CABP2: variants seen among roughly 807,000 people sequenced by gnomAD.
The protein encoded by CABP2 is calcium-binding protein 2.
CABP2 carries 25 observed loss-of-function variants against 28.6 expected under a neutral mutation model. The observed-to-expected ratio is 0.87, with a 90% confidence interval of 0.64 to 1.22. The LOEUF is 1.22. CABP2 is among the 50% of genes most tolerant of loss of function. The pLI is 0.00. For missense variants in CABP2, 310 were observed against 312.2 expected, an observed-to-expected ratio of 0.99 and a Z score of 0.05; for synonymous variants, 138 against 126.0, an observed-to-expected ratio of 1.09 and a Z score of -0.64.
intron 1 of CABP2, 54 bp from the exon 2 acceptor site, chr11:67,522,770 A>G: frequency 7.1e-7 from 1 of 1,407,296 alleles, no homozygotes; most frequent in Middle Eastern, 2.6e-4. Flanking sequence ...TCTGGGCCTG[A>G]TAGCCCTCCC....
intron 4 of CABP2, 67 bp downstream of exon 4, chr11:67,520,958 C>G: frequency 1.3e-6 from 2 of 1,560,904 alleles, no homozygotes; most frequent in South Asian, 2.3e-5. Flanking sequence ...ACCTGGACTG[C>G]TTGGCTTCAT....
chr11:67,520,090 G>A lies in CABP2; in HGVS notation c.450C>T (p.Asp150=). The A allele has an allele frequency of 1.2e-6, 2 of 1,613,790 alleles. No homozygotes were observed. Among genetic ancestry groups the A allele is most frequent in the South Asian group, 1.1e-5 (1 of 91,074 alleles). The part of the protein sequence containing the change: ...MGPKLLAETA[D]MIGVRELRDA... ...CCCGTAGCTCCCGGACACCGATCAT[G>A]TCTGCCGTCTCTGCCAGCAGCTTGG... The change falls in exon 5 of 7, where the codon GAC becomes GAT. Residue 150 remains aspartate, a synonymous_variant. Coordinates refer to ENST00000294288, the MANE Select transcript of CABP2 (RefSeq NM_016366.3).
chr11:67,523,139 C>CT (rs1253156443), intron 1 of CABP2, 146 bp downstream of exon 1: 1 of 651,114 alleles, frequency 1.5e-6, no homozygotes, highest in African/African-American at 1.9e-5. Flanking sequence ...TGGCCAGAGG[C>CT]TGTGGCTTCC....
chr11:67,522,854 G>A, intron 1 of CABP2, 138 bp from the exon 2 acceptor site: 1 of 746,882 alleles, frequency 1.3e-6, no homozygotes, highest in Non-Finnish European at 2.1e-6. Context: ...GGGGTAGAGA[G>A]AGGACCCTCA....
At position 67,521,102 on chromosome 11, in the gene CABP2, C is replaced by T. The variant is rs963261198; in HGVS notation, c.302G>A (p.Arg101Gln). 10 of 1,613,576 alleles carry T rather than the reference C, an allele frequency of 6.2e-6. No homozygotes were observed. Among genetic ancestry groups the T allele is most frequent in the Middle Eastern group, 1.6e-4 (1 of 6,084 alleles). ...DRDRDGYIGC[R>Q]ELGACMRTLG... The stretch of plus-strand genomic sequence containing the variant: ...GGTCCGCATGCAGGCACCCAGCTCC[C>T]GGCAGCCAATGTAGCCGTCCCGGTC... The change falls in exon 4 of 7, where the codon CGG becomes CAG. Residue 101 changes from arginine to glutamine, a missense_variant. Physicochemically the swap from Arg to Gln is conservative, Grantham distance 43. Coordinates refer to ENST00000294288, the MANE Select transcript of CABP2 (RefSeq NM_016366.3).
At chr11:67,521,868 A>AAGGCCCCCCCCACCCCCGTC in intron 3 of CABP2, 84 bp downstream of exon 3, 1 of 374,296 alleles carries the variant, frequency 2.7e-6, no homozygotes, top group Non-Finnish European at 5.3e-6. Flanking sequence ...CCCCCACCCG[A>AAGGCCCCCCCCACCCCCGTC]TGCCCCCCCA....
At chr11:67,521,588 A>G (rs1866748404) in intron 3 of CABP2, among the ~76,000 whole-genome samples, 1 of 152,076 alleles carries the variant, frequency 6.6e-6, no homozygotes, top group Non-Finnish European at 1.5e-5. Flanking sequence ...TGACTAATTG[A>G]CGTTGGTCTC....
chr11:67,520,884 A>G, intron 4 of CABP2, 141 bp downstream of exon 4: 1 of 860,530 alleles, frequency 1.2e-6, no homozygotes, highest in Non-Finnish European at 1.9e-6. Flanking sequence ...CCAGAGGCAG[A>G]GAGCTTGCCT....
In CABP2 at chr11:67,523,426, C is replaced by G; in HGVS notation, c.-100G>C. The G allele has an allele frequency of 7.4e-7, 1 of 1,346,706 alleles. No homozygotes were observed. The highest frequency in any genetic ancestry group is 9.7e-7 in the Non-Finnish European group (1 of 1,034,282). 83.4% of individuals were successfully genotyped at this position (1,346,706 alleles called of 1,614,324 possible). ...ACTCCTGCCAGCCCCCAGCTGCTCC[C>G]GATGAGAGCCTGGGAGTACTGCCGG... On this transcript the variant is annotated 5_prime_UTR_variant, in exon 1 of 7. Coordinates refer to ENST00000294288, the MANE Select transcript of CABP2 (RefSeq NM_016366.3).
Position 67,520,076 on chromosome 11 carries a change from C to G in CABP2, c.464G>C (p.Arg155Pro), listed in dbSNP as rs1278782819. The G allele has an allele frequency of 5.6e-6, 9 of 1,613,336 alleles. No individual in the cohort carries two copies. The highest frequency in any genetic ancestry group is 1.1e-5 in the South Asian group (1 of 91,080). Reference sequence around the variant, plus strand: ...CTCCCGGAAGGCGTCCCGTAGCTCCCGGACACCGATCATGTCTGCCGTCTC... The same window carrying G: ...CTCCCGGAAGGCGTCCCGTAGCTCCGGGACACCGATCATGTCTGCCGTCTC... ...LAETADMIGV[R>P]ELRDAFREFD... Residue 155 changes from arginine (R) to proline (P), a missense_variant, in exon 5 of 7, where the codon CGG (arginine) becomes CCG (proline). Coordinates refer to ENST00000294288, the MANE Select transcript of CABP2 (RefSeq NM_016366.3).
rs1866716785 is a variant in CABP2 at position 67,519,881 on chromosome 11, G to C, written c.549C>G (p.Ala183=). The stretch of plus-strand genomic sequence containing the variant: ...GCTGGCTGAGGCGCTCCCCCAGCAG[G>C]GCCTTGAGGGCCGCCCGGAGCTCGC... ...SVGELRAALK[A]LLGERLSQRE... is the part of the protein sequence containing the mutation. The change falls in exon 6 of 7, where the codon GCC becomes GCG. Residue 183 remains alanine, a synonymous_variant. Transcript: ENST00000294288. 1 of 1,613,164 alleles carries C rather than the reference G, an allele frequency of 6.2e-7. No individual in the cohort carries two copies. The highest frequency in any genetic ancestry group is 1.3e-5 in the African/African-American group (1 of 74,920).
In CABP2 at chr11:67,522,634, G is replaced by C. The variant is rs1195009247; in HGVS notation, c.125C>G (p.Ala42Gly). ...CACCGAGTAGCCCTGGACGCCTGGC[G>C]CGGGGTCCCCCTGCTCCTTGGGGCT... The part of the protein sequence containing the change: ...SSSPKEQGDP[A>G]PGVQGYSVLN... Residue 42 changes from alanine (A) to glycine (G), a missense_variant, in exon 2 of 7, where the codon GCG (alanine) becomes GGG (glycine). Ala to Gly is a moderately conservative substitution (Grantham distance 60, BLOSUM62 0). Transcript: ENST00000294288. The C allele has an allele frequency of 1.3e-6, 2 of 1,547,866 alleles. No homozygotes were observed. Among genetic ancestry groups the C allele is most frequent in the Non-Finnish European group, 1.7e-6 (2 of 1,145,584 alleles).
In CABP2 at chr11:67,518,942, A is replaced by T; in HGVS notation, c.*197T>A. The T allele has an allele frequency of 1.6e-6, 1 of 608,714 alleles. No homozygotes were observed. Among genetic ancestry groups the T allele is most frequent in the Non-Finnish European group, 3.0e-6 (1 of 337,580 alleles). The allele number at this position is 608,714 out of a possible 1,614,324, so 37.7% of individuals were successfully genotyped here. A position where few individuals can be genotyped will look rare whatever the true frequency, so the allele number is the denominator to read the frequency against. ...CCAGGCTTGGAGATATTTTATTGTC[A>T]GAGAGACAGAGACAAGGCCAGGCGG... On this transcript the variant is annotated 3_prime_UTR_variant, in exon 7 of 7. Coordinates refer to ENST00000294288, the MANE Select transcript of CABP2 (RefSeq NM_016366.3).
Position 67,519,838 on chromosome 11 carries a change from G to A in CABP2, c.592C>T (p.Leu198Phe), listed in dbSNP as rs1371618691. ...RLSQREVDEI[L>F]QDVDLNGDGL... ...TCCCCATTGAGGTCCACGTCCTGGAGGATCTCGTCCACCTCCCGCTGGCTG... is the reference window on the plus strand; with the variant it reads ...TCCCCATTGAGGTCCACGTCCTGGAAGATCTCGTCCACCTCCCGCTGGCTG... The change falls in exon 6 of 7, where the codon CTC (leucine) becomes TTC (phenylalanine). Residue 198 changes from leucine (L) to phenylalanine (F), a missense_variant. Coordinates refer to ENST00000294288, the MANE Select transcript of CABP2 (RefSeq NM_016366.3). The A allele has an allele frequency of 1.2e-6, 2 of 1,614,098 alleles. No individual in the cohort carries two copies. The highest frequency in any genetic ancestry group is 1.7e-6 in the Non-Finnish European group (2 of 1,180,012).
In CABP2 at chr11:67,521,143, G is replaced by T; in HGVS notation, c.261C>A (p.Phe87Leu). 6.2e-7 allele frequency: 1 copy of T among 1,612,852 alleles called. No homozygotes were observed. The change falls in exon 4 of 7, where the codon TTC (phenylalanine) becomes TTA (leucine). Residue 87 changes from phenylalanine (F) to leucine (L), a missense_variant. Phe to Leu is a conservative substitution (Grantham distance 22). Transcript: ENST00000294288. ...PEEIEELQVA[F>L]QEFDRDRDGY... is the part of the protein sequence containing the mutation. Reference sequence around the variant, plus strand: ...CGTCCCGGTCTCGGTCAAACTCCTGGAAGGCGACCTGCAGCTCTGCCAGGC... The same window carrying T: ...CGTCCCGGTCTCGGTCAAACTCCTGTAAGGCGACCTGCAGCTCTGCCAGGC...
intron 2 of CABP2, among the ~76,000 whole-genome samples, chr11:67,522,249 T>C (rs1866758018): frequency 6.6e-6 from 1 of 152,048 alleles, no homozygotes. Context: ...GGGGCTCCCT[T>C]TGCTGGTGGT....
rs1453134009 is a variant in CABP2 at position 67,519,778 on chromosome 11, T to C, written c.637+15A>G. ...CCCTTCCAGGGCGTGTGTTGCTATG[T>C]GCGGCAGGGGGTACCTTCGAAGTCG... On this transcript the variant is annotated intron_variant, in intron 6 of 6. Coordinates refer to ENST00000294288, the MANE Select transcript of CABP2 (RefSeq NM_016366.3). The C allele has an allele frequency of 6.2e-7, 1 of 1,613,212 alleles. No homozygotes were observed.
chr11:67,519,784 A>G lies in CABP2; in HGVS notation c.637+9T>C. ...CAGGGCGTGTGTTGCTATGTGCGGCAGGGGGTACCTTCGAAGTCGACCAGA... is the reference window on the plus strand; with the variant it reads ...CAGGGCGTGTGTTGCTATGTGCGGCGGGGGGTACCTTCGAAGTCGACCAGA... On this transcript the variant is annotated intron_variant, in intron 6 of 6. Coordinates refer to ENST00000294288, the MANE Select transcript of CABP2 (RefSeq NM_016366.3). 1.9e-6 allele frequency: 3 copies of G among 1,613,384 alleles called. No homozygotes were observed. The African/African-American group carries it at 4.0e-5, about 22-fold the overall frequency.
chr11:67,522,848 T>C, intron 1 of CABP2, 132 bp from the exon 2 acceptor site: 1 of 776,130 alleles, frequency 1.3e-6, no homozygotes, highest in Non-Finnish European at 2.0e-6. Flanking sequence ...GGCTGGGGGG[T>C]AGAGAGAGGA....
Sources: allele counts gnomAD v4.1 joint callset (sites outside exome capture counted in the v4.1 genomes callset), GRCh38; gene constraint gnomAD v4.1.1; transcripts MANE v1.5; gene names NCBI Gene and HGNC (gene_info 2026-07-23, HGNC 2026-07-21).